The following MTMR3 variants were observed in gnomAD, a reference collection of about 807,000 sequenced individuals.
The protein encoded by MTMR3 is myotubularin related protein 3.
A neutral mutation model predicts 132.4 loss-of-function variants in MTMR3; 32 were observed. The ratio of observed to expected loss-of-function variants is 0.24; its 90% confidence interval spans 0.18 to 0.32. The LOEUF is 0.32. Among genes scored for constraint, MTMR3 ranks in the 10% least tolerant of loss-of-function variants. The pLI, the probability that MTMR3 is intolerant of heterozygous loss-of-function variation, is 1.00. For synonymous variants in MTMR3, 556 were observed against 550.3 expected (o/e 1.01, Z -0.14); for missense variants, 1,216 against 1,489.6 (o/e 0.82, Z 3.02).
intron 5 of MTMR3, 27 bp from the exon 6 acceptor site, chr22:29,988,453 G>A: frequency 1.3e-6 from 2 of 1,567,356 alleles, no homozygotes; most frequent in Non-Finnish European, 1.8e-6. Flanking sequence ...TTTTGACTAA[G>A]AGGACTTCAT....
At chr22:29,979,202 C>T in intron 5 of MTMR3, 150 bp downstream of exon 5, 1 of 599,308 alleles carries the variant, frequency 1.7e-6, no homozygotes, top group Non-Finnish European at 2.9e-6. Flanking sequence ...ACTCAAGGAA[C>T]ACTGGCTTGG....
chr22:29,992,857 C>G (rs1470185016), intron 7 of MTMR3: 1 of 152,182 alleles, frequency 6.6e-6, no homozygotes, highest in Admixed American at 6.5e-5. Flanking sequence ...TTAGCATTAT[C>G]TTATGTTTAA....
intron 5 of MTMR3, chr22:29,985,084 T>A (rs1015639414): frequency 1.3e-5 from 2 of 152,330 alleles, no homozygotes; most frequent in East Asian, 1.9e-4. Context: ...TGTTAAGAGA[T>A]TGTTTTCATA....
chr22:29,936,079 T>G (rs1047344091), intron 1 of MTMR3, among the ~76,000 whole-genome samples: 2 of 152,184 alleles, frequency 1.3e-5, no homozygotes, highest in African/African-American at 2.4e-5. Flanking sequence ...GGGAAAAGTT[T>G]AGAAGATGGA....
intron 5 of MTMR3, chr22:29,986,146 C>T (rs990761107): frequency 1.2e-4 from 19 of 152,204 alleles, no homozygotes; most frequent in African/African-American, 4.3e-4. Context: ...TCTTCCCAGG[C>T]CCCATGACTG....
intron 1 of MTMR3, among the ~76,000 whole-genome samples, chr22:29,893,647 TA>T (rs2064839308): frequency 6.6e-6 from 1 of 152,086 alleles, no homozygotes; most frequent in African/African-American, 2.4e-5. Context: ...CTGCAGTATT[TA>T]AAATCCTGTT....
rs538510641 is a variant in MTMR3 at position 29,934,333 on chromosome 22, G to A, written c.-137-22703G>A. Among the ~76,000 whole-genome samples the A allele has an allele frequency of 1.0e-3, 158 of 152,224 alleles. 1 individual carries two copies. Among genetic ancestry groups the A allele is most frequent in the African/African-American group, 3.3e-3 (137 of 41,540 alleles). On this transcript the variant is annotated intron_variant, in intron 1 of 19. Coordinates refer to ENST00000401950, the MANE Select transcript of MTMR3 (RefSeq NM_021090.4). ...CGTGCCACTGCACTCCAGCCTGGGC[G>A]GTAGAGAGAGACTCTGTCTCAAAGA...
intron 19 of MTMR3, chr22:30,024,104 G>C (rs1007626576): frequency 6.6e-6 from 1 of 152,398 alleles, no homozygotes; most frequent in Non-Finnish European, 1.5e-5. Context: ...AGACCAGCCC[G>C]ACCAACATTG....
In MTMR3 at chr22:29,978,454, C is replaced by T. The variant is rs1388864432; in HGVS notation, c.16C>T (p.Arg6Trp). 7.4e-6 allele frequency: 12 copies of T among 1,611,696 alleles called. No homozygotes were observed. The highest frequency in any genetic ancestry group is 1.1e-5 in the South Asian group (1 of 90,834). The stretch of plus-strand genomic sequence containing the variant: ...TGGACTTTTCCAGGATGAAGAGACT[C>T]GGCACAGCCTTGAGTGCATCCAGGC... Reference protein sequence around the residue: MDEETRHSLECIQANQ... With the variant: MDEETWHSLECIQANQ... Residue 6 changes from arginine to tryptophan, a missense_variant, in exon 4 of 20, where the codon CGG (arginine) becomes TGG (tryptophan). By Grantham distance (101) the Arg-to-Trp change is moderately radical (BLOSUM62 -3). Transcript: ENST00000401950.
Position 30,002,874 on chromosome 22 carries a change from C to G in MTMR3, c.558-6C>G, listed in dbSNP as rs2067205214. The G allele has an allele frequency of 6.2e-7, 1 of 1,609,774 alleles. No individual in the cohort carries two copies. The highest frequency in any genetic ancestry group is 1.7e-5 in the Admixed American group (1 of 59,968). On this transcript the variant is annotated splice_polypyrimidine_tract_variant and splice_region_variant and intron_variant, in intron 8 of 19. Transcript: ENST00000401950. ...TGACTCTCCCCACTTCTCATCTTCT[C>G]TTTAGATTATGTGGTAGCTATCCTC...
chr22:29,883,913 G>A (rs2064608318), intron 1 of MTMR3, among the ~76,000 whole-genome samples: 1 of 152,214 alleles, frequency 6.6e-6, no homozygotes, highest in African/African-American at 2.4e-5. Flanking sequence ...TAGGTGGGTA[G>A]GATGATTGGG....
At chr22:30,023,411 A>G (rs1159929533) in intron 19 of MTMR3, 2 of 1,610,910 alleles carry the variant, frequency 1.2e-6, no homozygotes, top group Admixed American at 3.3e-5. Flanking sequence ...AAGCCCAGAT[A>G]TCTTTGGTTG....
chr22:30,017,623 C>A, intron 15 of MTMR3: 1 of 292,840 alleles, frequency 3.4e-6, no homozygotes, highest in Non-Finnish European at 6.3e-6. Flanking sequence ...ACAAATCAAG[C>A]TGATGAAAGT....
chr22:29,958,284 GT>G (rs2066240839), intron 2 of MTMR3, among the ~76,000 whole-genome samples: 1 of 152,144 alleles, frequency 6.6e-6, no homozygotes, highest in African/African-American at 2.4e-5. Context: ...CTGTAGTACA[GT>G]TTTATTAGAA....
intron 3 of MTMR3, among the ~76,000 whole-genome samples, chr22:29,973,405 T>C (rs1157568646): frequency 2.6e-5 from 4 of 152,240 alleles, no homozygotes. Flanking sequence ...CTTTTACCCC[T>C]ACCCTTTTGG....
chr22:30,023,258 G>GTGGA (rs2067813317), intron 19 of MTMR3: 4 of 615,214 alleles, frequency 6.5e-6, no homozygotes, highest in Non-Finnish European at 1.2e-5. Flanking sequence ...TGACTGTCTG[G>GTGGA]TGGATGTTCA....
rs774582819 is a variant in MTMR3, at chr22:30,007,136, A to C, written c.694A>C (p.Ile232Leu). 2.5e-6 allele frequency: 4 copies of C among 1,613,932 alleles called. No homozygotes were observed. In the African/African-American group the frequency reaches 5.3e-5, roughly 22 times the overall value. The change falls in exon 10 of 20, where the codon ATT (isoleucine) becomes CTT (leucine). Residue 232 changes from isoleucine to leucine, a missense_variant. Around this residue, in one of 7 missense-constraint regions of MTMR3, gnomAD observed 129 missense variants for 245.7 expected, o/e 0.53. Transcript: ENST00000401950. The stretch of plus-strand genomic sequence containing the variant: ...CAGGCACCAGAGCAATGGAGCTGTC[A>C]TTGCCCGCTGTGGACAGCCAGAGGT... ...IYRHQSNGAV[I>L]ARCGQPEVSW...
In MTMR3 at chr22:30,007,136, A is replaced by G. The variant is rs774582819; in HGVS notation, c.694A>G (p.Ile232Val). Residue 232 changes from isoleucine (I) to valine (V), a missense_variant, in exon 10 of 20, where the codon ATT becomes GTT. This residue lies in a region of MTMR3 where 129 missense variants were observed against 245.7 expected (regional missense o/e 0.53). Coordinates refer to ENST00000401950, the MANE Select transcript of MTMR3 (RefSeq NM_021090.4). ...IYRHQSNGAV[I>V]ARCGQPEVSW... ...CAGGCACCAGAGCAATGGAGCTGTC[A>G]TTGCCCGCTGTGGACAGCCAGAGGT... The G allele has an allele frequency of 6.8e-6, 11 of 1,613,814 alleles. No homozygotes were observed. Among genetic ancestry groups the G allele is most frequent in the Non-Finnish European group, 1.7e-6 (2 of 1,179,982 alleles).
intron 1 of MTMR3, among the ~76,000 whole-genome samples, chr22:29,896,759 A>G (rs1647367596): frequency 6.6e-6 from 1 of 152,162 alleles, no homozygotes; most frequent in Non-Finnish European, 1.5e-5. Flanking sequence ...GTATTCCAGT[A>G]TTAAATGGCA....
Sources: gnomAD v4.1 joint callset for allele counts (sites outside exome capture counted in the v4.1 genomes callset) on GRCh38, gnomAD v4.1.1 for gene constraint, gnomAD v4.1.1 regional missense constraint, MANE v1.5 for transcripts, NCBI Gene and HGNC (gene_info 2026-07-23, HGNC 2026-07-21) for gene names.